Variants in KCNQ3 observed in about 807,000 individuals in gnomAD.
KCNQ3 encodes potassium voltage-gated channel subfamily Q member 3.
In KCNQ3, 30 loss-of-function variants were observed where a neutral mutation model predicts 92.5. That is an observed-to-expected ratio of 0.32 (90% CI 0.24 to 0.44). The LOEUF (loss-of-function observed/expected upper bound fraction) is 0.44, where lower values mean the gene tolerates loss of function less well. KCNQ3 is among the 20% of genes least tolerant of loss of function. The pLI, the probability that KCNQ3 is intolerant of heterozygous loss-of-function variation, is 1.00. For synonymous variants in KCNQ3, 450 were observed against 468.8 expected, an observed-to-expected ratio of 0.96 and a Z score of 0.52; for missense variants, 913 against 1,140.3, an observed-to-expected ratio of 0.80 and a Z score of 2.87.
At chr8:132,249,756 G>C (rs114338745) in intron 1 of KCNQ3, among the ~76,000 whole-genome samples, 5,493 of 152,290 alleles carry the variant, frequency 0.036, 359 homozygotes, top group African/African-American at 0.12. Flanking sequence ...CCACGGCTAG[G>C]GGGAGGCTCG....
chr8:132,234,377 G>A (rs1291694668), intron 1 of KCNQ3, among the ~76,000 whole-genome samples: 1 of 121,744 alleles, frequency 8.2e-6, no homozygotes, highest in Non-Finnish European at 1.6e-5. Flanking sequence ...GCAGGTGAAA[G>A]GCCAAGCAGT....
At chr8:132,318,473 A>C (rs1010715027) in intron 1 of KCNQ3, among the ~76,000 whole-genome samples, 1 of 152,202 alleles carries the variant, frequency 6.6e-6, no homozygotes, top group Non-Finnish European at 1.5e-5. Context: ...GGGAATTTGT[A>C]CTGTCTTTGT....
intron 4 of KCNQ3, 68 bp downstream of exon 4, chr8:132,180,089 G>T: frequency 6.5e-7 from 1 of 1,529,024 alleles, no homozygotes; most frequent in South Asian, 1.1e-5. Context: ...GCAAAGGAAG[G>T]GATGTCATGG....
intron 1 of KCNQ3, among the ~76,000 whole-genome samples, chr8:132,443,278 G>C (rs1345173761): frequency 1.3e-5 from 2 of 151,022 alleles, no homozygotes; most frequent in Non-Finnish European, 2.9e-5. Flanking sequence ...CTACCAATTA[G>C]AGCCGGTGGC....
intron 1 of KCNQ3, among the ~76,000 whole-genome samples, chr8:132,453,983 C>A (rs1257267735): frequency 6.6e-6 from 1 of 152,182 alleles, no homozygotes; most frequent in African/African-American, 2.4e-5. Context: ...ACTGCAAGGC[C>A]AAAGGGATTA....
chr8:132,382,218 C>T (rs532704766), intron 1 of KCNQ3, among the ~76,000 whole-genome samples: 1 of 152,228 alleles, frequency 6.6e-6, no homozygotes, highest in East Asian at 1.9e-4. Flanking sequence ...AAATGTGATC[C>T]CCGGTGTTGG....
chr8:132,246,148 C>T (rs190239730), intron 1 of KCNQ3, among the ~76,000 whole-genome samples: 21 of 152,292 alleles, frequency 1.4e-4, no homozygotes, highest in African/African-American at 4.1e-4. Flanking sequence ...CAGAAGAGTA[C>T]AGCTGCTTAC....
chr8:132,339,546 C>T (rs1261648964), intron 1 of KCNQ3, among the ~76,000 whole-genome samples: 2 of 152,130 alleles, frequency 1.3e-5, no homozygotes, highest in African/African-American at 4.8e-5. Flanking sequence ...GGTGAAACCC[C>T]ATTTCTACTA....
chr8:132,184,975 C>A (rs934921854), intron 2 of KCNQ3, among the ~76,000 whole-genome samples: 42 of 152,234 alleles, frequency 2.8e-4, no homozygotes, highest in African/African-American at 1.0e-3. Flanking sequence ...AGCTTAAGCA[C>A]TCTCCAGGAC....
chr8:132,310,464 C>T (rs1029697555), intron 1 of KCNQ3, among the ~76,000 whole-genome samples: 1 of 152,186 alleles, frequency 6.6e-6, no homozygotes, highest in African/African-American at 2.4e-5. Flanking sequence ...ACTGGGAGGA[C>T]CTGGGCAAGG....
chr8:132,398,179 A>G (rs1285530875), intron 1 of KCNQ3, among the ~76,000 whole-genome samples: 1 of 152,190 alleles, frequency 6.6e-6, no homozygotes, highest in African/African-American at 2.4e-5. Context: ...ACAACTCCCA[A>G]AATTTAATCT....
chr8:132,133,839 C>T (rs1184031984), intron 13 of KCNQ3, among the ~76,000 whole-genome samples: 1 of 152,210 alleles, frequency 6.6e-6, no homozygotes, highest in African/African-American at 2.4e-5. Context: ...TGTTAAGGGA[C>T]AAAGCTCTCT....
chr8:132,344,115 T>C (rs1418653237), intron 1 of KCNQ3, among the ~76,000 whole-genome samples: 1 of 152,148 alleles, frequency 6.6e-6, no homozygotes, highest in East Asian at 1.9e-4. Flanking sequence ...TTATGGGAGA[T>C]ATCTAAGGAG....
chr8:132,250,471 AT>A (rs1416940345), intron 1 of KCNQ3, among the ~76,000 whole-genome samples: 1 of 152,138 alleles, frequency 6.6e-6, no homozygotes, highest in Non-Finnish European at 1.5e-5. Flanking sequence ...TGTCGTTATT[AT>A]TTTATACTGT....
intron 1 of KCNQ3, among the ~76,000 whole-genome samples, chr8:132,234,548 G>A (rs1814749501): frequency 6.6e-6 from 1 of 151,930 alleles, no homozygotes; most frequent in South Asian, 2.1e-4. Context: ...TCTCAAAACA[G>A]AAGAAAAACA....
At chr8:132,326,920 T>C (rs1429750033) in intron 1 of KCNQ3, among the ~76,000 whole-genome samples, 1 of 152,248 alleles carries the variant, frequency 6.6e-6, no homozygotes, top group African/African-American at 2.4e-5. Context: ...TCTCACCTAA[T>C]ACAGCAACTC....
At chr8:132,167,216 G>T (rs185222337) in intron 8 of KCNQ3, among the ~76,000 whole-genome samples, 1 of 152,150 alleles carries the variant, frequency 6.6e-6, no homozygotes, top group East Asian at 1.9e-4. Flanking sequence ...ACTATGAAAC[G>T]TTCAGGATAG....
chr8:132,383,180 T>C (rs1446118533), intron 1 of KCNQ3, among the ~76,000 whole-genome samples: 1 of 152,210 alleles, frequency 6.6e-6, no homozygotes, highest in African/African-American at 2.4e-5. Context: ...GAAGACCAAG[T>C]GCTCACCCAC....
At chr8:132,290,234 C>T (rs2130552594) in intron 1 of KCNQ3, among the ~76,000 whole-genome samples, 1 of 152,302 alleles carries the variant, frequency 6.6e-6, no homozygotes, top group African/African-American at 2.4e-5. Flanking sequence ...TAAATTATAT[C>T]TCATGTCTTG....
Sources: allele counts gnomAD v4.1 joint callset (sites outside exome capture counted in the v4.1 genomes callset), GRCh38; gene constraint gnomAD v4.1.1; transcripts MANE v1.5; gene names NCBI Gene and HGNC (gene_info 2026-07-23, HGNC 2026-07-21).